The following CALN1 variants were observed in gnomAD, a reference collection of about 807,000 sequenced individuals.
CALN1 encodes calcium-binding protein 8.
A neutral mutation model predicts 30.6 loss-of-function variants in CALN1; 17 were observed. The observed-to-expected ratio is 0.56, with a 90% CI of 0.38 to 0.83. The LOEUF (loss-of-function observed/expected upper bound fraction) is 0.83, where lower values mean the gene tolerates loss of function less well. CALN1 is among the 40% of genes least tolerant of loss of function. The pLI, the probability that CALN1 is intolerant of heterozygous loss-of-function variation, is 0.00. For missense variants in CALN1, 291 were observed against 354.9 expected, an observed-to-expected ratio of 0.82 and a Z score of 1.45; for synonymous variants, 156 against 131.4, an observed-to-expected ratio of 1.19 and a Z score of -1.28.
chr7:72,459,485 C>T, the CALN1 span, among the ~76,000 whole-genome samples: 1 of 152,000 alleles, frequency 6.6e-6, no homozygotes, highest in Non-Finnish European at 1.5e-5. Flanking sequence ...CTAAGCTGGG[C>T]ATGGTGGTGC....
chr7:72,203,014 G>A (rs564503523), intron 3 of CALN1, among the ~76,000 whole-genome samples: 1 of 152,252 alleles, frequency 6.6e-6, no homozygotes, highest in African/African-American at 2.4e-5. Flanking sequence ...CCATAAAAAA[G>A]AATGAGTTCG....
intron 4 of CALN1, among the ~76,000 whole-genome samples, chr7:72,096,074 TAGATAGATAGATAGATAA>T (rs1260535024): frequency 2.6e-5 from 4 of 151,704 alleles, no homozygotes; most frequent in Admixed American, 6.6e-5. Context: ...GATAGATAGA[TAGATAGATAGATAGATAA>T]AGATAGATAG....
At chr7:72,046,148 A>AT (rs1422080401) in intron 4 of CALN1, among the ~76,000 whole-genome samples, 1 of 152,068 alleles carries the variant, frequency 6.6e-6, no homozygotes, top group Non-Finnish European at 1.5e-5. Context: ...CCCTGTCTCT[A>AT]TAAGAAATAC....
chr7:72,008,470 G>A (rs376411802), intron 5 of CALN1, among the ~76,000 whole-genome samples: 1 of 151,388 alleles, frequency 6.6e-6, no homozygotes, highest in African/African-American at 2.4e-5. Context: ...TATTATAAAT[G>A]ATAATAAATG....
At chr7:72,042,199 G>A (rs1049342080) in intron 4 of CALN1, among the ~76,000 whole-genome samples, 21 of 152,228 alleles carry the variant, frequency 1.4e-4, no homozygotes, top group East Asian at 1.2e-3. Flanking sequence ...CCTAACCCAC[G>A]TTAGGTGGGT....
intron 2 of CALN1, among the ~76,000 whole-genome samples, chr7:72,333,444 G>C (rs1052576990): frequency 6.6e-6 from 1 of 152,104 alleles, no homozygotes; most frequent in South Asian, 2.1e-4. Flanking sequence ...TCCTCCTTCC[G>C]AACCACATTT....
At position 71,865,328 on chromosome 7, in the gene CALN1, G is replaced by T. The variant is rs558644762; in HGVS notation, c.502-54836C>A. Among the ~76,000 whole-genome samples, 4 of 152,290 alleles carry T rather than the reference G, an allele frequency of 2.6e-5. No homozygotes were observed. The East Asian group carries it at 7.7e-4, about 29-fold the overall frequency. On this transcript the variant is annotated intron_variant, in intron 5 of 6. Coordinates refer to ENST00000395275, the MANE Select transcript of CALN1 (RefSeq NM_031468.4). ...CCTCCCCTCTCTATCTCTTCCTCCA[G>T]CTCTGGCCACGTAAGAAGTGCCTGC...
intron 3 of CALN1, among the ~76,000 whole-genome samples, chr7:72,192,056 G>A (rs868147148): frequency 4.6e-5 from 7 of 152,078 alleles, no homozygotes; most frequent in East Asian, 3.9e-4. Context: ...CTTGGCGTAC[G>A]GCCCCTTCCT....
At chr7:72,192,712 T>C (rs1405256957) in intron 3 of CALN1, among the ~76,000 whole-genome samples, 1 of 150,976 alleles carries the variant, frequency 6.6e-6, no homozygotes, top group Admixed American at 6.6e-5. Flanking sequence ...ATTGTGCAGG[T>C]TACATATGTA....
chr7:72,053,326 C>T (rs1322107753), intron 4 of CALN1, among the ~76,000 whole-genome samples: 2 of 152,190 alleles, frequency 1.3e-5, no homozygotes, highest in Non-Finnish European at 2.9e-5. Flanking sequence ...TTCAAATATG[C>T]AGATTCATAG....
chr7:72,091,491 C>T (rs1036512151), intron 4 of CALN1, among the ~76,000 whole-genome samples: 10 of 152,174 alleles, frequency 6.6e-5, no homozygotes, highest in African/African-American at 2.4e-4. Flanking sequence ...ATGCTTGTAT[C>T]AAAATATCAC....
At chr7:72,080,002 C>T (rs1305730582) in intron 4 of CALN1, among the ~76,000 whole-genome samples, 1 of 152,022 alleles carries the variant, frequency 6.6e-6, no homozygotes, top group Non-Finnish European at 1.5e-5. Context: ...AACTCCTAAC[C>T]TCAGGTGTTC....
intron 5 of CALN1, among the ~76,000 whole-genome samples, chr7:71,817,698 T>C (rs1221950385): frequency 6.6e-6 from 1 of 151,980 alleles, no homozygotes; most frequent in Non-Finnish European, 1.5e-5. Context: ...GCATTTTTAG[T>C]AGAGATGGGG....
At position 72,129,077 on chromosome 7, in the gene CALN1, G is replaced by A. The variant is rs1231546096; in HGVS notation, c.245-22783C>T. ...AATGGTCAAAGAACAAGAGCAGACA[G>A]TTCCCAAGGCCAGAATTACATATGG... is the stretch of plus-strand genomic sequence containing the variant. On this transcript the variant is annotated intron_variant, in intron 3 of 6. Coordinates refer to ENST00000395275, the MANE Select transcript of CALN1 (RefSeq NM_031468.4). Among the ~76,000 whole-genome samples, 7 of 152,288 alleles carry A rather than the reference G, an allele frequency of 4.6e-5. No homozygotes were observed. In the East Asian group the frequency reaches 1.3e-3, roughly 29 times the overall value.
intron 4 of CALN1, among the ~76,000 whole-genome samples, chr7:72,074,875 G>A (rs190062697): frequency 3.6e-4 from 55 of 152,288 alleles, no homozygotes; most frequent in Middle Eastern, 3.4e-3. Flanking sequence ...AACATAAATC[G>A]GAGTAGATCA....
the CALN1 span, among the ~76,000 whole-genome samples, chr7:72,487,712 GA>G: frequency 0.015 from 852 of 56,256 alleles, 28 homozygotes; most frequent in African/African-American, 0.041. Flanking sequence ...GAAAAGAAAA[GA>G]AAAGAAAGAA....
At chr7:71,938,145 G>T (rs901000270) in intron 5 of CALN1, among the ~76,000 whole-genome samples, 2 of 152,196 alleles carry the variant, frequency 1.3e-5, no homozygotes, top group Non-Finnish European at 2.9e-5. Context: ...ACAGATGGGG[G>T]CTGCATTCTT....
At chr7:72,142,179 C>T (rs62462825) in intron 3 of CALN1, among the ~76,000 whole-genome samples, 38,516 of 152,100 alleles carry the variant, frequency 0.25, 5,917 homozygotes, top group Non-Finnish European at 0.35. Flanking sequence ...TGAGGCATCG[C>T]CTGACCTGGG....
At chr7:71,985,883 C>T (rs997433623) in intron 5 of CALN1, among the ~76,000 whole-genome samples, 6 of 151,902 alleles carry the variant, frequency 3.9e-5, no homozygotes, top group African/African-American at 1.2e-4. Flanking sequence ...AGCCACTGTA[C>T]CTGGCCAGTA....
Sources: allele counts gnomAD v4.1 joint callset (sites outside exome capture counted in the v4.1 genomes callset), GRCh38; gene constraint gnomAD v4.1.1; transcripts MANE v1.5; gene names NCBI Gene and HGNC (gene_info 2026-07-23, HGNC 2026-07-21).